Variants in DEPDC5 observed in about 807,000 individuals in gnomAD.
DEPDC5 encodes the protein GATOR1 complex protein DEPDC5.
DEPDC5 carries 73 observed loss-of-function variants against 217.3 expected under a neutral mutation model. The ratio of observed to expected loss-of-function variants is 0.34; its 90% CI spans 0.28 to 0.41. The LOEUF (loss-of-function observed/expected upper bound fraction) is 0.41. Among genes scored for constraint, DEPDC5 ranks in the 10% least tolerant of loss-of-function variants. The pLI is 1.00. For missense variants in DEPDC5, 1,675 were observed against 2,070.1 expected, an observed-to-expected ratio of 0.81 and a Z score of 3.70; for synonymous variants, 733 against 756.7, an observed-to-expected ratio of 0.97 and a Z score of 0.51.
At chr22:31,775,089 GGATT>G (rs1457545195) in intron 7 of DEPDC5, among the ~76,000 whole-genome samples, 1 of 152,124 alleles carries the variant, frequency 6.6e-6, no homozygotes, top group African/African-American at 2.4e-5. Flanking sequence ...AGACCCAGAG[GGATT>G]GATTGATTGT....
chr22:31,810,234 C>A (rs1342372157), intron 19 of DEPDC5, among the ~76,000 whole-genome samples: 1 of 152,094 alleles, frequency 6.6e-6, no homozygotes, highest in African/African-American at 2.4e-5. Flanking sequence ...AGAAGGGTCA[C>A]AAAAGGATGA....
chr22:31,759,197 G>T (rs1047371054), intron 3 of DEPDC5, among the ~76,000 whole-genome samples: 3 of 151,914 alleles, frequency 2.0e-5, no homozygotes, highest in African/African-American at 7.3e-5. Flanking sequence ...CTCCCAATGT[G>T]CTGGGATTAC....
At chr22:31,819,283 G>A in intron 22 of DEPDC5, 58 bp downstream of exon 22, 2 of 1,585,398 alleles carry the variant, frequency 1.3e-6, no homozygotes, top group South Asian at 1.1e-5. Context: ...CTGGTCCTCA[G>A]TGTCGGTCAC....
chr22:31,811,524 C>T (rs994632380), intron 20 of DEPDC5, among the ~76,000 whole-genome samples: 1 of 150,898 alleles, frequency 6.6e-6, no homozygotes, highest in Non-Finnish European at 1.5e-5. Flanking sequence ...TAAAAATTTG[C>T]TCTGTGGTGT....
Position 31,874,341 on chromosome 22 carries a change from T to C in DEPDC5, c.3632T>C (p.Val1211Ala). ...SPYCFISAEV[V>A]HWLVNHVEGI... is the part of the protein sequence containing the mutation. ...TACTGCTTCATCAGCGCGGAGGTGG[T>C]ACACTGGTTGGTGAACCACGTGGAG... is the stretch of plus-strand genomic sequence containing the variant. The change falls in exon 36 of 43, where the codon GTA becomes GCA. Residue 1211 changes from valine (V) to alanine (A), a missense_variant. Val to Ala is a moderately conservative substitution (Grantham distance 64). Around this residue, in one of 11 missense-constraint regions of DEPDC5, gnomAD observed 194 missense variants for 199.3 expected, o/e 0.97. Transcript: ENST00000651528. The C allele has an allele frequency of 1.2e-6, 2 of 1,611,378 alleles. No individual in the cohort carries two copies. The highest frequency in any genetic ancestry group is 1.7e-6 in the Non-Finnish European group (2 of 1,178,854).
At chr22:31,841,679 C>T (rs924409634) in intron 27 of DEPDC5, among the ~76,000 whole-genome samples, 14 of 152,156 alleles carry the variant, frequency 9.2e-5, no homozygotes, top group Admixed American at 2.6e-4. Flanking sequence ...TCTATGCAAA[C>T]GTCTGTTTGG....
intron 23 of DEPDC5, 68 bp downstream of exon 23, chr22:31,821,705 G>T (rs2089715102): frequency 6.4e-7 from 1 of 1,571,232 alleles, no homozygotes; most frequent in Non-Finnish European, 8.7e-7. Flanking sequence ...ACAATGTGCA[G>T]AACAGACTAT....
chr22:31,869,364 G>T (rs1016159902), intron 33 of DEPDC5, among the ~76,000 whole-genome samples: 1 of 152,012 alleles, frequency 6.6e-6, no homozygotes, highest in South Asian at 2.1e-4. Flanking sequence ...GACTGAATCG[G>T]AACAGTTTGC....
At chr22:31,891,783 C>CA (rs1210568511) in intron 38 of DEPDC5, among the ~76,000 whole-genome samples, 2 of 152,108 alleles carry the variant, frequency 1.3e-5, no homozygotes, top group African/African-American at 2.4e-5. Flanking sequence ...CTCAGGGAGG[C>CA]AAAAAACAAA....
intron 18 of DEPDC5, among the ~76,000 whole-genome samples, chr22:31,808,164 C>T (rs1341967747): frequency 1.3e-5 from 2 of 151,148 alleles, no homozygotes; most frequent in Admixed American, 6.6e-5. Flanking sequence ...GGTGGGATCT[C>T]GGCTCACTGC....
At chr22:31,786,042 G>A (rs978628051) in intron 10 of DEPDC5, among the ~76,000 whole-genome samples, 2 of 151,874 alleles carry the variant, frequency 1.3e-5, no homozygotes, top group Non-Finnish European at 2.9e-5. Flanking sequence ...CGAGGTGGGC[G>A]GATCAGGAGT....
In DEPDC5 at chr22:31,819,464, CT is replaced by C. The variant is rs949134977; in HGVS notation, c.1870+255del. Reference sequence around the variant, plus strand: ...GAGGGCTTTTTTGTTTGTTTCTGCCCTTTTTTTTTTTTTTTTCTTTTGAGAC... The same window carrying C: ...GAGGGCTTTTTTGTTTGTTTCTGCCCTTTTTTTTTTTTTTTCTTTTGAGAC... On this transcript the variant is annotated intron_variant, in intron 22 of 42. Coordinates refer to ENST00000651528, the MANE Select transcript of DEPDC5 (RefSeq NM_001242896.3). 0.012 allele frequency among the ~76,000 whole-genome samples: 1,679 copies of C among 141,338 alleles called. 13 individuals carry two copies. Among genetic ancestry groups the C allele is most frequent in the African/African-American group, 0.038 (1,461 of 38,742 alleles). The allele number at this position is 141,338 out of a possible 152,430, so 92.7% of individuals were successfully genotyped here.
intron 39 of DEPDC5, among the ~76,000 whole-genome samples, chr22:31,895,310 G>C (rs954456783): frequency 6.6e-6 from 1 of 152,104 alleles, no homozygotes; most frequent in African/African-American, 2.4e-5. Context: ...TGCCAAGGTT[G>C]AGAAGCCCTG....
At chr22:31,887,495 G>T (rs527585275) in intron 38 of DEPDC5, among the ~76,000 whole-genome samples, 1 of 150,636 alleles carries the variant, frequency 6.6e-6, no homozygotes, top group African/African-American at 2.4e-5. Flanking sequence ...GAGGGTTTAT[G>T]TCCATAGCAG....
At position 31,758,539 on chromosome 22, in the gene DEPDC5, C is replaced by A; in HGVS notation, c.59-7C>A. ...TTTCTACTTGAAGTGGCTGAATTGT[C>A]TTTCAGATGATGAGCTAGTTGTGAA... On this transcript the variant is annotated splice_region_variant and splice_polypyrimidine_tract_variant and intron_variant, in intron 2 of 42. Coordinates refer to ENST00000651528, the MANE Select transcript of DEPDC5 (RefSeq NM_001242896.3). 1 of 1,613,870 alleles carries A rather than the reference C, an allele frequency of 6.2e-7. No individual in the cohort carries two copies. Among genetic ancestry groups the A allele is most frequent in the Non-Finnish European group, 8.5e-7 (1 of 1,179,804 alleles).
chr22:31,875,035 T>C (rs773312727), intron 36 of DEPDC5, among the ~76,000 whole-genome samples: 27 of 152,170 alleles, frequency 1.8e-4, no homozygotes, highest in Admixed American at 1.4e-3. Context: ...AACAAGGAAA[T>C]GGGAAACGGC....
At position 31,843,825 on chromosome 22, in the gene DEPDC5, G is replaced by A. The variant is rs1319318344; in HGVS notation, c.2801+13G>A. On this transcript the variant is annotated intron_variant, in intron 29 of 42. Coordinates refer to ENST00000651528, the MANE Select transcript of DEPDC5 (RefSeq NM_001242896.3). The stretch of plus-strand genomic sequence containing the variant: ...CTGAAGACTTCAGGTCAGAGAGTGG[G>A]CTTTGGATTTCCATCTTTGCATCCT... 4 of 1,578,990 alleles carry A rather than the reference G, an allele frequency of 2.5e-6. No homozygotes were observed. The highest frequency in any genetic ancestry group is 2.7e-5 in the African/African-American group (2 of 74,364).
chr22:31,811,553 GTTT>G (rs772904154), intron 20 of DEPDC5, among the ~76,000 whole-genome samples: 1 of 138,112 alleles, frequency 7.2e-6, no homozygotes, highest in Non-Finnish European at 1.6e-5. Flanking sequence ...TATGGTAGTT[GTTT>G]TTTTTTTTTT....
intron 32 of DEPDC5, among the ~76,000 whole-genome samples, chr22:31,859,456 G>A (rs1355278225): frequency 1.4e-5 from 2 of 146,670 alleles, no homozygotes; most frequent in Non-Finnish European, 3.0e-5. Context: ...CACAGTCTTG[G>A]CTCACTGCAA....
Sources: gnomAD v4.1 joint callset for allele counts (sites outside exome capture counted in the v4.1 genomes callset) on GRCh38, gnomAD v4.1.1 for gene constraint, gnomAD v4.1.1 regional missense constraint, MANE v1.5 for transcripts, NCBI Gene and HGNC (gene_info 2026-07-23, HGNC 2026-07-21) for gene names.